The following RBM47 variants were observed in gnomAD, a reference collection of about 807,000 sequenced individuals.
RBM47 encodes the protein RNA-binding protein 47.
A neutral mutation model predicts 47.1 loss-of-function variants in RBM47; 21 were observed. The ratio of observed to expected loss-of-function variants is 0.45; its 90% CI spans 0.32 to 0.64. The LOEUF (loss-of-function observed/expected upper bound fraction) is 0.64, where lower values mean the gene tolerates loss of function less well. Ranked by LOEUF, RBM47 falls within the 30% of genes least tolerant of loss-of-function variation. The pLI, the probability that RBM47 is intolerant of heterozygous loss-of-function variation, is 0.05. For missense variants in RBM47, 708 were observed against 870.9 expected (o/e 0.81, Z 2.35); for synonymous variants, 375 against 361.7 (o/e 1.04, Z -0.42).
intron 1 of RBM47, among the ~76,000 whole-genome samples, chr4:40,562,623 G>A (rs916873805): frequency 1.3e-5 from 2 of 151,788 alleles, no homozygotes; most frequent in Non-Finnish European, 1.5e-5. Flanking sequence ...GCGCCACCAC[G>A]CCCGGCTAAT....
At chr4:40,622,460 T>A (rs919439635) in intron 1 of RBM47, among the ~76,000 whole-genome samples, 1 of 152,078 alleles carries the variant, frequency 6.6e-6, no homozygotes, top group African/African-American at 2.4e-5. Context: ...TAAGGATGTG[T>A]GTGGTAGCAG....
chr4:40,483,706 A>AAATACAATAC (rs374812140), intron 2 of RBM47, among the ~76,000 whole-genome samples: 2,794 of 152,164 alleles, frequency 0.018, 73 homozygotes, highest in African/African-American at 0.063. Context: ...AAAAGAACAA[A>AAATACAATAC]AATACAATAC....
Position 40,492,775 on chromosome 4 carries a change from C to CTGTGTG in RBM47, c.-154-26082_-154-26077dup, listed in dbSNP as rs4035484. ...GTTCACTCAGCACTCCCATCATGAC[C>CTGTGTG]TGTGTGTGTGTGTGTGTGTGTACGC... is the stretch of plus-strand genomic sequence containing the variant. On this transcript the variant is annotated intron_variant, in intron 2 of 6. Coordinates refer to ENST00000295971, the MANE Select transcript of RBM47 (RefSeq NM_001098634.2). 1.7e-3 allele frequency among the ~76,000 whole-genome samples: 262 copies of CTGTGTG among 150,544 alleles called. 3 individuals carry two copies. Among genetic ancestry groups the CTGTGTG allele is most frequent in the African/African-American group, 5.7e-3 (232 of 41,046 alleles).
intron 1 of RBM47, among the ~76,000 whole-genome samples, chr4:40,552,773 A>G (rs1446662242): frequency 1.3e-5 from 2 of 152,004 alleles, no homozygotes; most frequent in African/African-American, 4.8e-5. Context: ...TGGCTATACC[A>G]CTGGCCTTCT....
chr4:40,532,340 G>A lies in RBM47; in HGVS notation c.-155+12082C>T, dbSNP rs552431883. On this transcript the variant is annotated intron_variant, in intron 2 of 6. Transcript: ENST00000295971. ...TTTTTTTTTTTTTTTTTGAGATGGA[G>A]TCTTGCTCTGTCACCAGGTTGGAGT... Among the ~76,000 whole-genome samples, 29 of 103,268 alleles carry A rather than the reference G, an allele frequency of 2.8e-4. 1 individual carries two copies. The South Asian group carries it at 8.6e-3, about 31-fold the overall frequency. The allele number at this position is 103,268 out of a possible 152,430, so 67.7% of individuals were successfully genotyped here. A position where few individuals can be genotyped will look rare whatever the true frequency, so the allele number is the denominator to read the frequency against.
chr4:40,487,845 T>G (rs183355089), intron 2 of RBM47, among the ~76,000 whole-genome samples: 2 of 152,294 alleles, frequency 1.3e-5, no homozygotes, highest in East Asian at 3.9e-4. Context: ...AGAAAGCTGG[T>G]TATCAATTTA....
intron 1 of RBM47, among the ~76,000 whole-genome samples, chr4:40,581,494 G>A (rs1385145019): frequency 6.6e-6 from 1 of 150,536 alleles, no homozygotes; most frequent in Non-Finnish European, 1.5e-5. Context: ...AGAGTGTTAA[G>A]CTTGCAGGGG....
chr4:40,465,795 G>T (rs1386793270), intron 3 of RBM47, among the ~76,000 whole-genome samples: 1 of 152,072 alleles, frequency 6.6e-6, no homozygotes, highest in African/African-American at 2.4e-5. Flanking sequence ...TGGTTCTTTG[G>T]ATCATCATGA....
rs140672840 is a variant in RBM47 at position 40,482,047 on chromosome 4, T to A, written c.-154-15348A>T. On this transcript the variant is annotated intron_variant, in intron 2 of 6. Transcript: ENST00000295971. ...CCGTACCTGGCCATGATGTGATTTC[T>A]ATTAACTGGGAGCTAATAATCCTCT... 3.3e-4 allele frequency among the ~76,000 whole-genome samples: 50 copies of A among 152,340 alleles called. No individual in the cohort carries two copies. In the East Asian group the frequency reaches 9.3e-3, roughly 28 times the overall value.
chr4:40,458,881 G>A (rs903044811), intron 3 of RBM47, among the ~76,000 whole-genome samples: 4 of 152,028 alleles, frequency 2.6e-5, no homozygotes, highest in Non-Finnish European at 5.9e-5. Context: ...CCCATGGCTT[G>A]TTTACTTTAA....
At chr4:40,488,942 A>G (rs1721492171) in intron 2 of RBM47, among the ~76,000 whole-genome samples, 2 of 152,228 alleles carry the variant, frequency 1.3e-5, no homozygotes, top group Non-Finnish European at 2.9e-5. Context: ...CAAAGATTAA[A>G]TAAGTGTTCA....
At chr4:40,591,004 T>C (rs546476971) in intron 1 of RBM47, among the ~76,000 whole-genome samples, 19 of 152,300 alleles carry the variant, frequency 1.2e-4, no homozygotes, top group African/African-American at 4.6e-4. Flanking sequence ...GGTTTCCCCG[T>C]GTTGGCCAGG....
chr4:40,521,398 ACCATGTTGG>A (rs1726178345), intron 2 of RBM47, among the ~76,000 whole-genome samples: 1 of 151,984 alleles, frequency 6.6e-6, no homozygotes. Flanking sequence ...ATGGGGTTTC[ACCATGTTGG>A]CCAGGCTGGT....
At chr4:40,494,644 T>A (rs1415544195) in intron 2 of RBM47, among the ~76,000 whole-genome samples, 1 of 152,022 alleles carries the variant, frequency 6.6e-6, no homozygotes. Flanking sequence ...GTAGCCCATA[T>A]GTGCTTTCTC....
intron 3 of RBM47, among the ~76,000 whole-genome samples, chr4:40,458,856 G>T (rs1278653039): frequency 1.3e-5 from 2 of 152,080 alleles, no homozygotes; most frequent in East Asian, 3.8e-4. Context: ...TACGGCGAAG[G>T]TTAAACTCTA....
intron 2 of RBM47, among the ~76,000 whole-genome samples, chr4:40,471,416 G>T (rs754970779): frequency 1.4e-4 from 21 of 152,034 alleles, no homozygotes; most frequent in Non-Finnish European, 2.8e-4. Flanking sequence ...TATACAATTT[G>T]GTCAGGCGCA....
intron 1 of RBM47, among the ~76,000 whole-genome samples, chr4:40,564,082 A>G (rs1730874391): frequency 6.6e-6 from 1 of 152,204 alleles, no homozygotes; most frequent in African/African-American, 2.4e-5. Flanking sequence ...TTAATTATGA[A>G]AAATACAAGG....
chr4:40,495,834 GCT>G (rs10597715), intron 2 of RBM47, among the ~76,000 whole-genome samples: 132,476 of 151,308 alleles, frequency 0.88, 58,388 homozygotes, highest in African/African-American at 0.97. Flanking sequence ...CATTGTGCGC[GCT>G]CTCTCTCTCT....
At chr4:40,443,396 A>G (rs1260865125) in intron 3 of RBM47, among the ~76,000 whole-genome samples, 7 of 152,082 alleles carry the variant, frequency 4.6e-5, no homozygotes, top group African/African-American at 1.7e-4. Flanking sequence ...AGTTGATAAA[A>G]CTAGGATTTC....
Sources: allele counts gnomAD v4.1 joint callset (sites outside exome capture counted in the v4.1 genomes callset), GRCh38; gene constraint gnomAD v4.1.1; transcripts MANE v1.5; gene names NCBI Gene and HGNC (gene_info 2026-07-23, HGNC 2026-07-21).